HYDIN: variants seen among roughly 807,000 people sequenced by gnomAD.
HYDIN encodes the protein HYDIN axonemal central pair apparatus protein, also known as axonemal central pair apparatus protein HYDIN.
Under a neutral mutation model 403.9 loss-of-function variants are expected in HYDIN, and 132 were observed. That is an observed-to-expected ratio of 0.33 (90% CI 0.28 to 0.38). The LOEUF (loss-of-function observed/expected upper bound fraction) is 0.38. Ranked by LOEUF, HYDIN falls within the 10% of genes least tolerant of loss-of-function variation. The pLI is 1.00. For synonymous variants in HYDIN, 1,202 were observed against 1,891.7 expected, an observed-to-expected ratio of 0.64 and a Z score of 9.46; for missense variants, 2,827 against 5,009.5, an observed-to-expected ratio of 0.56 and a Z score of 13.15.
chr16:71,197,992 C>T (rs2087790677), intron 1 of HYDIN, among the ~76,000 whole-genome samples: 2 of 152,196 alleles, frequency 1.3e-5, no homozygotes, highest in South Asian at 4.1e-4. Flanking sequence ...AGTGATCTGC[C>T]CGCCTCAGTC....
chr16:70,849,220 C>T (rs114547470), intron 75 of HYDIN, among the ~76,000 whole-genome samples: 5,355 of 152,088 alleles, frequency 0.035, 337 homozygotes, highest in African/African-American at 0.12. Flanking sequence ...ATCAAAATAC[C>T]ACAAAGCTCA....
intron 1 of HYDIN, among the ~76,000 whole-genome samples, chr16:71,219,461 T>G (rs946257629): frequency 1.3e-5 from 2 of 152,152 alleles, no homozygotes; most frequent in Admixed American, 6.5e-5. Flanking sequence ...TAGGATTTAG[T>G]ATAGGATTTG....
intron 18 of HYDIN, among the ~76,000 whole-genome samples, chr16:71,046,473 T>A (rs536217301): frequency 4.6e-5 from 7 of 151,872 alleles, no homozygotes; most frequent in African/African-American, 1.7e-4. Context: ...CCCAATTCAA[T>A]GTCCTAACAC....
chr16:71,100,087 C>T (rs1331234751), intron 10 of HYDIN, among the ~76,000 whole-genome samples: 3 of 151,874 alleles, frequency 2.0e-5, no homozygotes, highest in Non-Finnish European at 4.4e-5. Flanking sequence ...TTTCTATATC[C>T]AGCAACAGTC....
At chr16:71,111,536 G>T (rs998870032) in intron 10 of HYDIN, among the ~76,000 whole-genome samples, 1 of 150,870 alleles carries the variant, frequency 6.6e-6, no homozygotes, top group Non-Finnish European at 1.5e-5. Context: ...TGTATAAAAG[G>T]GAAAATTGCC....
At chr16:71,074,082 A>C (rs1219185539) in intron 13 of HYDIN, among the ~76,000 whole-genome samples, 1 of 151,952 alleles carries the variant, frequency 6.6e-6, no homozygotes, top group Non-Finnish European at 1.5e-5. Flanking sequence ...TCTATAACAG[A>C]CTCCTTTTTA....
chr16:70,806,820 T>C lies in HYDIN; in HGVS notation c.*760A>G, dbSNP rs2035127219. Among the ~76,000 whole-genome samples, 1 of 152,164 alleles carries C rather than the reference T, an allele frequency of 6.6e-6. No homozygotes were observed. Among genetic ancestry groups the C allele is most frequent in the African/African-American group, 2.4e-5 (1 of 41,448 alleles). On this transcript the variant is annotated 3_prime_UTR_variant, in exon 86 of 86. Coordinates refer to ENST00000393567, the MANE Select transcript of HYDIN (RefSeq NM_001270974.2). ...TGCCCACACCCCTCTCCAGACCAAT[T>C]ACATCAGATGGGGACTGGGCACGTT...
At chr16:70,961,325 T>A (rs1301857637) in intron 38 of HYDIN, among the ~76,000 whole-genome samples, 1 of 152,100 alleles carries the variant, frequency 6.6e-6, no homozygotes, top group African/African-American at 2.4e-5. Flanking sequence ...TGTTCCTGAC[T>A]TCATTTACTC....
At chr16:71,204,763 T>C (rs949702323) in intron 1 of HYDIN, among the ~76,000 whole-genome samples, 1 of 152,202 alleles carries the variant, frequency 6.6e-6, no homozygotes, top group African/African-American at 2.4e-5. Flanking sequence ...TCACAGGGTT[T>C]GGCCAGATCA....
chr16:70,871,787 C>A (rs1408006280), intron 65 of HYDIN, among the ~76,000 whole-genome samples: 1 of 126,700 alleles, frequency 7.9e-6, no homozygotes, highest in Non-Finnish European at 1.6e-5. Flanking sequence ...TACAGGCCTC[C>A]ACAGGGCCCG....
At chr16:71,183,845 G>A (rs945656823) in intron 3 of HYDIN, among the ~76,000 whole-genome samples, 1 of 152,014 alleles carries the variant, frequency 6.6e-6, no homozygotes, top group African/African-American at 2.4e-5. Flanking sequence ...AGGAGAGAAA[G>A]TGTAAAGTAT....
At chr16:71,120,093 C>G (rs551661368) in intron 9 of HYDIN, among the ~76,000 whole-genome samples, 1 of 150,300 alleles carries the variant, frequency 6.7e-6, no homozygotes, top group South Asian at 2.1e-4. Context: ...ATTCTGCGAG[C>G]CTTCTACATG....
intron 75 of HYDIN, among the ~76,000 whole-genome samples, chr16:70,846,040 C>G (rs2143562836): frequency 6.6e-6 from 1 of 150,668 alleles, no homozygotes; most frequent in South Asian, 2.1e-4. Context: ...TCTCTATTTC[C>G]TTCAGTTCTG....
At chr16:70,979,859 G>A (rs1211362909) in intron 29 of HYDIN, among the ~76,000 whole-genome samples, 1 of 152,188 alleles carries the variant, frequency 6.6e-6, no homozygotes, top group Non-Finnish European at 1.5e-5. Context: ...TGGAGGTGGA[G>A]GTTGCAGGGA....
At chr16:70,945,647 G>A (rs1177892448) in intron 41 of HYDIN, among the ~76,000 whole-genome samples, 1 of 152,212 alleles carries the variant, frequency 6.6e-6, no homozygotes, top group Non-Finnish European at 1.5e-5. Context: ...GAGAAGCTGG[G>A]GAAGTAGAGG....
intron 68 of HYDIN, 89 bp from the exon 69 acceptor site, chr16:70,862,344 C>A (rs537003560): frequency 1.0e-5 from 7 of 702,026 alleles, no homozygotes; most frequent in African/African-American, 9.6e-5. Flanking sequence ...TAGGGGCCCT[C>A]TGCGGATATG....
At chr16:70,949,514 T>C (rs2077994168) in intron 41 of HYDIN, among the ~76,000 whole-genome samples, 1 of 152,182 alleles carries the variant, frequency 6.6e-6, no homozygotes, top group African/African-American at 2.4e-5. Context: ...GATTTCTAAC[T>C]GGTGCTTTCC....
intron 18 of HYDIN, among the ~76,000 whole-genome samples, chr16:71,033,266 T>A (rs2080977148): frequency 6.6e-6 from 1 of 152,242 alleles, no homozygotes; most frequent in South Asian, 2.1e-4. Context: ...ACCCTTGGAA[T>A]GTCTGACAAA....
chr16:70,916,818 TTTC>T (rs554876979), intron 47 of HYDIN, among the ~76,000 whole-genome samples: 4 of 152,166 alleles, frequency 2.6e-5, no homozygotes, highest in Non-Finnish European at 5.9e-5. Context: ...GCCATTTCTT[TTTC>T]TTTTCTTTTT....
Sources: allele counts gnomAD v4.1 joint callset (sites outside exome capture counted in the v4.1 genomes callset), GRCh38; gene constraint gnomAD v4.1.1; transcripts MANE v1.5; gene names NCBI Gene and HGNC (gene_info 2026-07-23, HGNC 2026-07-21).